Variants in TECRL observed in about 807,000 individuals in gnomAD.
TECRL encodes trans-2,3-enoyl-CoA reductase like.
TECRL carries 63 observed loss-of-function variants against 52.8 expected under a neutral mutation model. The observed-to-expected ratio is 1.19, with a 90% CI of 0.97 to 1.47. The LOEUF is 1.47. Among genes scored for constraint, TECRL ranks in the 40% most tolerant of loss-of-function variants. TECRL has a pLI of 0.00. For missense variants in TECRL, 482 were observed against 429.6 expected (o/e 1.12, Z -1.08); for synonymous variants, 164 against 141.9 (o/e 1.16, Z -1.10).
intron 8 of TECRL, among the ~76,000 whole-genome samples, chr4:64,292,628 C>G (rs1374599299): frequency 6.6e-6 from 1 of 151,828 alleles, no homozygotes; most frequent in Non-Finnish European, 1.5e-5. Flanking sequence ...TACTTTTAGT[C>G]AAAAAGTTTA....
chr4:64,322,061 C>T (rs1002275263), intron 4 of TECRL, among the ~76,000 whole-genome samples: 1 of 152,052 alleles, frequency 6.6e-6, no homozygotes, highest in African/African-American at 2.4e-5. Flanking sequence ...AAATTGACCC[C>T]TATTACTGTT....
rs537968391 is a variant in TECRL at position 64,355,660 on chromosome 4, G to C, written c.286+19512C>G. Among the ~76,000 whole-genome samples, 4 of 151,762 alleles carry C rather than the reference G, an allele frequency of 2.6e-5. No homozygotes were observed. The East Asian group carries it at 5.9e-4, about 22-fold the overall frequency. On this transcript the variant is annotated intron_variant, in intron 2 of 11. Coordinates refer to ENST00000381210, the MANE Select transcript of TECRL (RefSeq NM_001010874.5). ...AAAAATCCAAAAAAAAAATTAGCCG[G>C]GCATGGTGTCAGGCACCTGTAGTCC...
chr4:64,336,423 G>A (rs1246617820), intron 2 of TECRL, among the ~76,000 whole-genome samples: 1 of 151,864 alleles, frequency 6.6e-6, no homozygotes, highest in African/African-American at 2.4e-5. Context: ...TCTTGCTAGT[G>A]GTCTATCAAT....
chr4:64,334,423 C>T (rs968099517), intron 2 of TECRL, among the ~76,000 whole-genome samples: 1 of 152,128 alleles, frequency 6.6e-6, no homozygotes, highest in Non-Finnish European at 1.5e-5. Context: ...ACCAAGGATG[C>T]CAGTGAGACA....
At chr4:64,286,505 A>T (rs1013115837) in intron 9 of TECRL, among the ~76,000 whole-genome samples, 1 of 151,178 alleles carries the variant, frequency 6.6e-6, no homozygotes, top group African/African-American at 2.4e-5. Flanking sequence ...TAATTTTAAA[A>T]TTGTAATTTG....
chr4:64,277,365 T>C, downstream of TECRL, among the ~76,000 whole-genome samples: 1 of 151,982 alleles, frequency 6.6e-6, no homozygotes, highest in East Asian at 1.9e-4. Context: ...TAGTTGATCA[T>C]ATAGCTGCAT....
intron 2 of TECRL, among the ~76,000 whole-genome samples, chr4:64,353,421 G>A (rs1577921829): frequency 6.6e-6 from 1 of 152,122 alleles, no homozygotes; most frequent in African/African-American, 2.4e-5. Context: ...AAGGTATAAA[G>A]ACTTGAACTG....
intron 2 of TECRL, among the ~76,000 whole-genome samples, chr4:64,361,922 A>T (rs924111428): frequency 1.3e-5 from 2 of 152,202 alleles, no homozygotes; most frequent in Non-Finnish European, 2.9e-5. Context: ...GCTCATCAAG[A>T]TACAGCAGAA....
intron 1 of TECRL, among the ~76,000 whole-genome samples, chr4:64,406,747 T>A (rs1724754630): frequency 6.6e-6 from 1 of 151,974 alleles, no homozygotes; most frequent in Admixed American, 6.6e-5. Flanking sequence ...TAACAGGGAT[T>A]GAGTCCAGAT....
intron 1 of TECRL, among the ~76,000 whole-genome samples, chr4:64,390,279 A>G (rs572921156): frequency 2.0e-5 from 3 of 152,046 alleles, no homozygotes; most frequent in East Asian, 1.9e-4. Context: ...TAACCTCACA[A>G]GGTTATAAAT....
At chr4:64,359,752 C>T (rs1000261148) in intron 2 of TECRL, among the ~76,000 whole-genome samples, 3 of 152,000 alleles carry the variant, frequency 2.0e-5, no homozygotes, top group African/African-American at 7.2e-5. Flanking sequence ...TGATCTCCTG[C>T]AATTTTACAA....
At chr4:64,370,736 C>A (rs935902281) in intron 2 of TECRL, among the ~76,000 whole-genome samples, 1 of 151,570 alleles carries the variant, frequency 6.6e-6, no homozygotes, top group South Asian at 2.1e-4. Flanking sequence ...GTATTTACTA[C>A]TTAAAAATTG....
chr4:64,406,548 A>G (rs185695460), intron 1 of TECRL, among the ~76,000 whole-genome samples: 11 of 152,054 alleles, frequency 7.2e-5, no homozygotes, highest in African/African-American at 2.6e-4. Context: ...AATAATAATA[A>G]TTTTGTCCAT....
chr4:64,310,006 A>G lies in TECRL; in HGVS notation c.552-75T>C. 3.4e-6 allele frequency: 3 copies of G among 886,200 alleles called. No individual in the cohort carries two copies. The South Asian group carries it at 5.1e-5, about 15-fold the overall frequency. The allele number at this position is 886,200 out of a possible 1,614,324, so 54.9% of individuals were successfully genotyped here. On this transcript the variant is annotated intron_variant, in intron 5 of 11. Coordinates refer to ENST00000381210, the MANE Select transcript of TECRL (RefSeq NM_001010874.5). ...CTTGCCTCATGCATGATACATTTTA[A>G]TTTTTTTAGTTTAATATGCTAGCTA...
At chr4:64,382,223 ATATATATATATAG>A (rs1411925424) in intron 1 of TECRL, among the ~76,000 whole-genome samples, 5 of 2,914 alleles carry the variant, frequency 1.7e-3, no homozygotes, top group African/African-American at 2.0e-3. Context: ...ATATATATAT[ATATATATATATAG>A]TATTATGTAT....
intron 9 of TECRL, among the ~76,000 whole-genome samples, chr4:64,286,381 G>T (rs1723082548): frequency 6.6e-6 from 1 of 151,830 alleles, no homozygotes; most frequent in South Asian, 2.1e-4. Flanking sequence ...CAGATAAAAA[G>T]AATAGCCAAA....
rs771207260 is a variant in TECRL at position 64,289,686 on chromosome 4, A to G, written c.832+24T>C. ...TTGTTAACATAATTCACTCTAAAGA[A>G]AAGAAAAAGAAAAAAGAACTAACCT... On this transcript the variant is annotated intron_variant, in intron 9 of 11. Coordinates refer to ENST00000381210, the MANE Select transcript of TECRL (RefSeq NM_001010874.5). The G allele has an allele frequency of 4.1e-6, 6 of 1,479,550 alleles. No individual in the cohort carries two copies. In the African/African-American group the frequency reaches 8.9e-5, roughly 22 times the overall value. The allele number at this position is 1,479,550 out of a possible 1,614,324, so 91.7% of individuals were successfully genotyped here.
intron 1 of TECRL, among the ~76,000 whole-genome samples, chr4:64,406,058 A>G (rs2109795285): frequency 6.6e-6 from 1 of 152,258 alleles, no homozygotes; most frequent in East Asian, 1.9e-4. Context: ...ATGAAAGCTG[A>G]CAATATGAAT....
In TECRL at chr4:64,281,455, A is replaced by G; in HGVS notation, c.918+19T>C. The G allele has an allele frequency of 7.0e-7, 1 of 1,436,586 alleles. No homozygotes were observed. Among genetic ancestry groups the G allele is most frequent in the Non-Finnish European group, 9.7e-7 (1 of 1,031,080 alleles). The allele number at this position is 1,436,586 out of a possible 1,614,324, so 89.0% of individuals were successfully genotyped here. ...TATCATGAATAGGATTCAAGCATTTACATACATAAATAACATACCTCATAG... is the reference window on the plus strand; with the variant it reads ...TATCATGAATAGGATTCAAGCATTTGCATACATAAATAACATACCTCATAG... On this transcript the variant is annotated intron_variant, in intron 10 of 11. Coordinates refer to ENST00000381210, the MANE Select transcript of TECRL (RefSeq NM_001010874.5).
Sources: allele counts gnomAD v4.1 joint callset (sites outside exome capture counted in the v4.1 genomes callset), GRCh38; gene constraint gnomAD v4.1.1; transcripts MANE v1.5; gene names NCBI Gene and HGNC (gene_info 2026-07-23, HGNC 2026-07-21).